Variants in DYNC2I1 observed in about 807,000 individuals in gnomAD.
DYNC2I1 encodes cytoplasmic dynein 2 intermediate chain 1.
A neutral mutation model predicts 133.4 loss-of-function variants in DYNC2I1; 89 were observed. That is an observed-to-expected ratio of 0.67 (90% CI 0.56 to 0.80). The LOEUF is 0.80. Among genes scored for constraint, DYNC2I1 ranks in the 30% least tolerant of loss-of-function variants. The probability of loss-of-function intolerance (pLI) is 0.00; values close to 1 mark genes in which losing one functional copy is unlikely to be tolerated. For synonymous variants in DYNC2I1, 504 were observed against 484.3 expected (o/e 1.04, Z -0.54); for missense variants, 1,291 against 1,314.5 (o/e 0.98, Z 0.28).
chr7:158,881,381 GGTTA>G, intron 5 of DYNC2I1, among the ~76,000 whole-genome samples: 1 of 152,336 alleles, frequency 6.6e-6, no homozygotes, highest in South Asian at 2.1e-4. Flanking sequence ...CCACACGGAA[GGTTA>G]GTTGAGGCGG....
chr7:158,917,984 G>T (rs1340574578), intron 14 of DYNC2I1, among the ~76,000 whole-genome samples: 4 of 151,110 alleles, frequency 2.6e-5, no homozygotes, highest in East Asian at 3.9e-4. Flanking sequence ...ACTCCCATAC[G>T]GTTGGCTTTC....
intron 21 of DYNC2I1, among the ~76,000 whole-genome samples, chr7:158,932,625 C>T (rs993563259): frequency 6.6e-6 from 1 of 152,054 alleles, no homozygotes; most frequent in Non-Finnish European, 1.5e-5. Flanking sequence ...CACGTTGAGC[C>T]GAGGAGCAGC....
chr7:158,929,651 GC>G (rs1394835045), intron 20 of DYNC2I1, among the ~76,000 whole-genome samples: 5 of 152,256 alleles, frequency 3.3e-5, no homozygotes, highest in Non-Finnish European at 2.9e-5. Context: ...CAGGGACCCT[GC>G]CCAGCTGCAG....
intron 5 of DYNC2I1, among the ~76,000 whole-genome samples, chr7:158,884,336 T>C (rs1051837809): frequency 5.9e-5 from 9 of 152,172 alleles, no homozygotes; most frequent in East Asian, 1.9e-4. Context: ...TGAGCCACCG[T>C]GCCCAGCATA....
chr7:158,940,474 TGCACTAGACCAAATAG>T (rs1403101182), intron 23 of DYNC2I1, among the ~76,000 whole-genome samples: 1 of 152,194 alleles, frequency 6.6e-6, no homozygotes. Context: ...TGGGGACCCC[TGCACTAGACCAAATAG>T]GCCTAACATT....
chr7:158,886,037 T>A (rs1281296603), intron 6 of DYNC2I1, among the ~76,000 whole-genome samples: 1 of 148,720 alleles, frequency 6.7e-6, no homozygotes, highest in Non-Finnish European at 1.5e-5. Flanking sequence ...TATTACATAT[T>A]ATATAACATA....
chr7:158,917,409 CTCCTGTCCTCCACACTCCA>C (rs1338271641), intron 14 of DYNC2I1, among the ~76,000 whole-genome samples: 89 of 105,592 alleles, frequency 8.4e-4, no homozygotes, highest in Non-Finnish European at 9.5e-4. Context: ...CACTAAACAC[CTCCTGTCCTCCACACTCCA>C]CCCTCCGCCT....
intron 6 of DYNC2I1, among the ~76,000 whole-genome samples, chr7:158,885,978 C>T (rs1273604500): frequency 6.6e-6 from 1 of 150,394 alleles, no homozygotes; most frequent in East Asian, 1.9e-4. Flanking sequence ...AAATATAAAA[C>T]ATTTCAAGAT....
Position 158,945,490 on chromosome 7 carries a change from TC to T in DYNC2I1, c.3003-88del. On this transcript the variant is annotated intron_variant, in intron 24 of 24. Transcript: ENST00000407559. The surrounding 1 kb of genome is among the most constrained non-coding windows in gnomAD (Gnocchi z 4.1). ...TAGAATTTCTCATCCGTTTCACTCTTCCCATGGAAGGTAGACATTTTGAAGA... is the reference window on the plus strand; with the variant it reads ...TAGAATTTCTCATCCGTTTCACTCTTCCATGGAAGGTAGACATTTTGAAGA... 21 of 1,350,600 alleles carry T rather than the reference TC, an allele frequency of 1.6e-5. No homozygotes were observed. The highest frequency in any genetic ancestry group is 2.1e-5 in the Non-Finnish European group (21 of 997,596). The allele number at this position is 1,350,600 out of a possible 1,614,324, so 83.7% of individuals were successfully genotyped here.
chr7:158,946,859 C>G (rs1585271806), downstream of DYNC2I1, among the ~76,000 whole-genome samples: 2 of 152,322 alleles, frequency 1.3e-5, no homozygotes, highest in South Asian at 2.1e-4. Context: ...GGTCTTCTCA[C>G]TGGGGCACAA....
the DYNC2I1 span, among the ~76,000 whole-genome samples, chr7:158,841,158 AAT>A: frequency 1.1e-3 from 72 of 66,392 alleles, no homozygotes; most frequent in South Asian, 1.5e-3. Context: ...TAGGTCTGCA[AAT>A]ATATATATAT....
chr7:158,840,851 A>G, the DYNC2I1 span, among the ~76,000 whole-genome samples: 1 of 152,044 alleles, frequency 6.6e-6, no homozygotes, highest in African/African-American at 2.4e-5. Context: ...GTGGCCAGAG[A>G]GAGCTCCGTG....
At chr7:158,881,330 C>T (rs558612234) in intron 5 of DYNC2I1, among the ~76,000 whole-genome samples, 1 of 152,174 alleles carries the variant, frequency 6.6e-6, no homozygotes, top group Non-Finnish European at 1.5e-5. Context: ...TTCTGCTACC[C>T]GCGTCTACGG....
Position 158,917,199 on chromosome 7 carries a change from G to C in DYNC2I1, c.1792-1541G>C, listed in dbSNP as rs77239220. The stretch of plus-strand genomic sequence containing the variant: ...TTGACATTAAGGATGATTGTGAAAC[G>C]TCGACACGCTGGTTGAGATTAAGGA... On this transcript the variant is annotated intron_variant, in intron 14 of 24. Transcript: ENST00000407559. Among the ~76,000 whole-genome samples, 21 of 122,538 alleles carry C rather than the reference G, an allele frequency of 1.7e-4. 1 individual carries two copies. The highest frequency in any genetic ancestry group is 9.2e-4 in the South Asian group (4 of 4,364). 80.4% of individuals were successfully genotyped at this position (122,538 alleles called of 152,430 possible).
At chr7:158,882,152 T>A (rs745438014) in intron 5 of DYNC2I1, among the ~76,000 whole-genome samples, 1 of 152,226 alleles carries the variant, frequency 6.6e-6, no homozygotes, top group Non-Finnish European at 1.5e-5. Context: ...GACAAGCTGT[T>A]CCTATCTGAG....
At chr7:158,870,036 C>T (rs948159784) in intron 2 of DYNC2I1, 128 bp downstream of exon 2, 2 of 753,272 alleles carry the variant, frequency 2.7e-6, no homozygotes, top group African/African-American at 3.5e-5. Flanking sequence ...GTACTTTGAA[C>T]TCAGAGGTGA....
chr7:158,938,530 G>A (rs1851004299), intron 23 of DYNC2I1, among the ~76,000 whole-genome samples: 1 of 152,196 alleles, frequency 6.6e-6, no homozygotes, highest in Non-Finnish European at 1.5e-5. Context: ...GTTGAAGCGG[G>A]TGGATCAGTT....
chr7:158,926,542 G>A, intron 19 of DYNC2I1, 79 bp downstream of exon 19: 1 of 1,473,674 alleles, frequency 6.8e-7, no homozygotes, highest in Admixed American at 1.9e-5. Context: ...AATGGCGCAG[G>A]GGGCGGGACC....
At chr7:158,902,706 A>G (rs1205777015) in intron 10 of DYNC2I1, 111 bp downstream of exon 10, 3 of 961,108 alleles carry the variant, frequency 3.1e-6, no homozygotes, top group Non-Finnish European at 3.1e-6. Context: ...GTGGAGCAGT[A>G]ACATCTTCCA....
Sources: allele counts gnomAD v4.1 joint callset (sites outside exome capture counted in the v4.1 genomes callset), GRCh38; gene constraint gnomAD v4.1.1; non-coding constraint Gnocchi (gnomAD v3.1); transcripts MANE v1.5; gene names NCBI Gene and HGNC (gene_info 2026-07-23, HGNC 2026-07-21).